The following PCYT1A variants were observed in gnomAD, a reference collection of about 807,000 sequenced individuals.
PCYT1A encodes the protein phosphate cytidylyltransferase 1A, choline.
A neutral mutation model predicts 43.7 loss-of-function variants in PCYT1A; 25 were observed. That is an observed-to-expected ratio of 0.57 (90% CI 0.42 to 0.80). The LOEUF (loss-of-function observed/expected upper bound fraction) is 0.80. PCYT1A is among the 30% of genes least tolerant of loss of function. The pLI, the probability that PCYT1A is intolerant of heterozygous loss-of-function variation, is 0.00. For synonymous variants in PCYT1A, 172 were observed against 170.7 expected (o/e 1.01, Z -0.06); for missense variants, 421 against 474.2 (o/e 0.89, Z 1.04).
At chr3:196,243,886 A>G (rs917979361) in intron 5 of PCYT1A, among the ~76,000 whole-genome samples, 10 of 152,104 alleles carry the variant, frequency 6.6e-5, no homozygotes, top group African/African-American at 2.4e-4. Flanking sequence ...GCTCGCTACA[A>G]CCTCCACCTC....
At chr3:196,248,359 C>CT (rs544364575) in intron 3 of PCYT1A, 36 bp from the exon 4 acceptor site, 1,200 of 1,230,228 alleles carry the variant, frequency 9.8e-4, no homozygotes, top group African/African-American at 5.2e-3. Context: ...ACAAAAATAC[C>CT]TTTTTTTTTG....
rs770821991 is a variant in PCYT1A at position 196,242,600 on chromosome 3, G to A, written c.527C>T (p.Ala176Val). Residue 176 changes from alanine (A) to valine (V), a missense_variant, in exon 6 of 9, where the codon GCT (alanine) becomes GTT (valine). Physicochemically the swap from Ala to Val is moderately conservative, Grantham distance 64. Transcript: ENST00000431016. This position sits in a 1 kb window ranked among gnomAD's most constrained non-coding sequence, Gnocchi z 4.2. ...GTGCTTATAAACATCATCACTGCCA[G>A]CAGATGAATAAGGAATATCATCATG... ...VAHDDIPYSS[A>V]GSDDVYKHIK... is the part of the protein sequence containing the mutation. The A allele has an allele frequency of 1.9e-6, 3 of 1,611,752 alleles. No homozygotes were observed. Among genetic ancestry groups the A allele is most frequent in the African/African-American group, 2.7e-5 (2 of 74,870 alleles).
intron 5 of PCYT1A, among the ~76,000 whole-genome samples, chr3:196,243,663 G>A (rs1260088211): frequency 6.6e-6 from 1 of 152,224 alleles, no homozygotes; most frequent in Non-Finnish European, 1.5e-5. Context: ...CCTGCCCAGT[G>A]CCTGCCATTG....
chr3:196,266,268 C>A (rs1269293138), intron 2 of PCYT1A, among the ~76,000 whole-genome samples: 1 of 149,368 alleles, frequency 6.7e-6, no homozygotes, highest in African/African-American at 2.5e-5. Flanking sequence ...GTCAAGAGAT[C>A]GAGACCATCC....
Position 196,282,647 on chromosome 3 carries a change from T to C in PCYT1A, c.-11+4968A>G, listed in dbSNP as rs1304784501. ...ATAACTGGTTTTCTTTATAGTTCTATGTATTTTATTTTTGCATATAAAAAC... is the reference window on the plus strand; with the variant it reads ...ATAACTGGTTTTCTTTATAGTTCTACGTATTTTATTTTTGCATATAAAAAC... On this transcript the variant is annotated intron_variant, in intron 1 of 8. Coordinates refer to ENST00000431016, the MANE Select transcript of PCYT1A (RefSeq NM_001312673.2). The surrounding 1 kb of genome is among the most constrained non-coding windows in gnomAD (Gnocchi z 4.3). 2.0e-5 allele frequency among the ~76,000 whole-genome samples: 3 copies of C among 152,184 alleles called. No individual in the cohort carries two copies.
At chr3:196,266,306 A>G (rs1341497656) in intron 2 of PCYT1A, among the ~76,000 whole-genome samples, 3 of 151,102 alleles carry the variant, frequency 2.0e-5, no homozygotes, top group South Asian at 4.2e-4. Context: ...CCCCGTCTCT[A>G]CTAAAAAATA....
rs1475901906 is a variant in PCYT1A, at chr3:196,247,277, G to C, written c.486+90C>G. The C allele has an allele frequency of 2.3e-6, 3 of 1,330,518 alleles. No individual in the cohort carries two copies. Among genetic ancestry groups the C allele is most frequent in the African/African-American group, 1.4e-5 (1 of 69,190 alleles). The allele number at this position is 1,330,518 out of a possible 1,614,324, so 82.4% of individuals were successfully genotyped here. ...TACATAAGAGGTAGAAGTAAAACAC[G>C]GCTAGTGGAAAACCAGCCTACGTGC... On this transcript the variant is annotated intron_variant, in intron 5 of 8. Transcript: ENST00000431016. This position sits in a 1 kb window ranked among gnomAD's most constrained non-coding sequence, Gnocchi z 4.8.
chr3:196,280,733 C>A (rs972281102), intron 1 of PCYT1A, among the ~76,000 whole-genome samples: 3 of 151,958 alleles, frequency 2.0e-5, no homozygotes, highest in East Asian at 3.8e-4. Context: ...AAGAGATTAA[C>A]AGGAATAACT....
rs756683597 is a variant in PCYT1A at position 196,270,465 on chromosome 3, C to T, written c.67G>A (p.Gly23Arg). The T allele has an allele frequency of 1.2e-5, 19 of 1,614,042 alleles. No homozygotes were observed. Among genetic ancestry groups the T allele is most frequent in the South Asian group, 9.9e-5 (9 of 91,094 alleles). The change falls in exon 2 of 9, where the codon GGG (glycine) becomes AGG (arginine). Residue 23 changes from glycine (G) to arginine (R), a missense_variant. Around this residue, in one of 3 missense-constraint regions of PCYT1A, gnomAD observed 139 missense variants for 117.7 expected, o/e 1.18. Transcript: ENST00000431016. ...GGAACCCCATCTTCTTCTGTTGCCC[C>T]GTTGGGTCCGGGCGCCTCTTTTCTC... ...KRRKEAPGPN[G>R]ATEEDGVPSK... is the part of the protein sequence containing the mutation.
In PCYT1A at chr3:196,242,173, A is replaced by G; in HGVS notation, c.566-83T>C. On this transcript the variant is annotated intron_variant, in intron 6 of 8. Transcript: ENST00000431016. This position sits in a 1 kb window ranked among gnomAD's most constrained non-coding sequence, Gnocchi z 4.2. ...AGACTAAATGGAAATTGGGGGCAAC[A>G]TTCCTTTCCTTTCCTCAAAAAGCAG... The G allele has an allele frequency of 7.4e-7, 1 of 1,353,464 alleles. No homozygotes were observed. Among genetic ancestry groups the G allele is most frequent in the Non-Finnish European group, 1.0e-6 (1 of 953,758 alleles). The allele number at this position is 1,353,464 out of a possible 1,614,324, so 83.8% of individuals were successfully genotyped here.
chr3:196,259,402 G>T (rs1324651607), intron 2 of PCYT1A, among the ~76,000 whole-genome samples: 3 of 152,096 alleles, frequency 2.0e-5, no homozygotes, highest in Non-Finnish European at 4.4e-5. Context: ...ATTTCTGTAT[G>T]GCTGCAGTGA....
At position 196,280,419 on chromosome 3, in the gene PCYT1A, A is replaced by G. The variant is rs191741155; in HGVS notation, c.-11+7196T>C. Among the ~76,000 whole-genome samples the G allele has an allele frequency of 2.6e-5, 4 of 152,218 alleles. No individual in the cohort carries two copies. The East Asian group carries it at 7.7e-4, about 29-fold the overall frequency. On this transcript the variant is annotated intron_variant, in intron 1 of 8. Coordinates refer to ENST00000431016, the MANE Select transcript of PCYT1A (RefSeq NM_001312673.2). ...CCTTATATATATAAAACGGTGTCGAATTTGCATATAATCTATACCCCCTAT... is the reference window on the plus strand; with the variant it reads ...CCTTATATATATAAAACGGTGTCGAGTTTGCATATAATCTATACCCCCTAT...
chr3:196,243,967 A>C (rs1240983210), intron 5 of PCYT1A, among the ~76,000 whole-genome samples: 4 of 149,612 alleles, frequency 2.7e-5, no homozygotes, highest in Non-Finnish European at 4.5e-5. Flanking sequence ...CCGTCTGGGA[A>C]GTGAGGAGCG....
chr3:196,265,698 G>A (rs1409603370), intron 2 of PCYT1A, among the ~76,000 whole-genome samples: 3 of 151,908 alleles, frequency 2.0e-5, no homozygotes, highest in Middle Eastern at 3.2e-3. Context: ...AGAGGTGGGC[G>A]GATAGCTTGA....
rs886438394 is a variant in PCYT1A, at chr3:196,252,091, C to T, written c.218-3768G>A. ...GCCCCGCTGACTACAGCGCACCCCG[C>T]CACGCCCCGCAGACTACAGCGCACC... On this transcript the variant is annotated intron_variant, in intron 3 of 8. Transcript: ENST00000431016. The surrounding 1 kb of genome is among the most constrained non-coding windows in gnomAD (Gnocchi z 4.0). Among the ~76,000 whole-genome samples, 3 of 151,206 alleles carry T rather than the reference C, an allele frequency of 2.0e-5. No homozygotes were observed. Among genetic ancestry groups the T allele is most frequent in the Non-Finnish European group, 4.4e-5 (3 of 67,606 alleles).
chr3:196,285,174 G>GTT (rs1725872572), intron 1 of PCYT1A, among the ~76,000 whole-genome samples: 1 of 152,196 alleles, frequency 6.6e-6, no homozygotes, highest in African/African-American at 2.4e-5. Context: ...AAAAAGAGCT[G>GTT]TAAGGCCAGG....
chr3:196,278,206 G>A (rs925843351), intron 1 of PCYT1A, among the ~76,000 whole-genome samples: 1 of 152,094 alleles, frequency 6.6e-6, no homozygotes, highest in African/African-American at 2.4e-5. Flanking sequence ...TGAAACTTAG[G>A]TGTACCTAAA....
chr3:196,255,202 A>G (rs1396565956), intron 3 of PCYT1A, among the ~76,000 whole-genome samples: 1 of 152,246 alleles, frequency 6.6e-6, no homozygotes, highest in Non-Finnish European at 1.5e-5. Flanking sequence ...GAAAAACCAG[A>G]GTTCAAATTA....
chr3:196,267,785 A>G (rs1222612626), intron 2 of PCYT1A, among the ~76,000 whole-genome samples: 1 of 152,222 alleles, frequency 6.6e-6, no homozygotes, highest in East Asian at 1.9e-4. Flanking sequence ...AATAAACTGA[A>G]AACCACTGAA....
Sources: gnomAD v4.1 joint callset for allele counts (sites outside exome capture counted in the v4.1 genomes callset) on GRCh38, gnomAD v4.1.1 for gene constraint, gnomAD v4.1.1 regional missense constraint, Gnocchi (gnomAD v3.1) non-coding constraint, MANE v1.5 for transcripts, NCBI Gene and HGNC (gene_info 2026-07-23, HGNC 2026-07-21) for gene names.